The following ERCC3 variants were observed in gnomAD, a reference collection of about 807,000 sequenced individuals.
ERCC3 encodes the protein ERCC excision repair 3, TFIIH core complex helicase subunit.
A neutral mutation model predicts 94.2 loss-of-function variants in ERCC3; 66 were observed. The observed-to-expected ratio is 0.70, with a 90% CI of 0.57 to 0.86. The LOEUF is 0.86. ERCC3 is among the 40% of genes least tolerant of loss of function. ERCC3 has a pLI of 0.00. For missense variants in ERCC3, 829 were observed against 987.1 expected, an observed-to-expected ratio of 0.84 and a Z score of 2.15; for synonymous variants, 349 against 369.1, an observed-to-expected ratio of 0.95 and a Z score of 0.63.
At chr2:127,261,528 A>G (rs1012442660) in intron 12 of ERCC3, 182 bp from the exon 13 acceptor site, 6 of 639,816 alleles carry the variant, frequency 9.4e-6, no homozygotes, top group African/African-American at 7.3e-5. Flanking sequence ...TTCCAAGGAC[A>G]CCATCAAGTG....
chr2:127,286,944 T>G lies in ERCC3; in HGVS notation c.1101A>C (p.Ser367=). The part of the protein sequence containing the change: ...VRKRCLVLGN[S]AVSVEQWKAQ... ...CTTTCCACTGCTCCACAGAAACAGC[T>G]GAGTTGCCCAGCACCAGACAGCGTT... Residue 367 remains serine (S), a synonymous_variant, in exon 8 of 15, where the codon TCA becomes TCC. Transcript: ENST00000285398. 1 of 1,614,128 alleles carries G rather than the reference T, an allele frequency of 6.2e-7. No homozygotes were observed. Among genetic ancestry groups the G allele is most frequent in the Non-Finnish European group, 8.5e-7 (1 of 1,180,020 alleles).
At chr2:127,278,307 C>T (rs62157543) in intron 10 of ERCC3, among the ~76,000 whole-genome samples, 3,298 of 151,204 alleles carry the variant, frequency 0.022, 44 homozygotes, top group Non-Finnish European at 0.03. Context: ...GAGTCAAAAG[C>T]GGCTGTCTTC....
chr2:127,258,008 A>T lies in ERCC3; in HGVS notation c.2218-281T>A, dbSNP rs542757768. Among the ~76,000 whole-genome samples the T allele has an allele frequency of 3.9e-5, 6 of 152,332 alleles. No individual in the cohort carries two copies. The South Asian group carries it at 1.2e-3, about 32-fold the overall frequency. On this transcript the variant is annotated intron_variant, in intron 14 of 14. Transcript: ENST00000285398. The surrounding 1 kb of genome is among the most constrained non-coding windows in gnomAD (Gnocchi z 4.1). The stretch of plus-strand genomic sequence containing the variant: ...ATCCAAGATCACATAGCTCTTAAGG[A>T]GATGGGATTTGAACACCCAGGTAGC...
chr2:127,270,075 A>G (rs529247012), intron 12 of ERCC3, among the ~76,000 whole-genome samples: 94 of 152,264 alleles, frequency 6.2e-4, no homozygotes, highest in Middle Eastern at 3.4e-3. Context: ...AGAGTAAGGA[A>G]TAAGTAATGA....
intron 8 of ERCC3, among the ~76,000 whole-genome samples, chr2:127,285,497 C>T (rs920269625): frequency 1.1e-4 from 17 of 152,086 alleles, no homozygotes; most frequent in Non-Finnish European, 2.5e-4. Flanking sequence ...TTGAGACCAG[C>T]CTGACCAACA....
At chr2:127,290,372 C>T (rs41269831) in intron 3 of ERCC3, 99 bp from the exon 4 acceptor site, 1 of 1,060,374 alleles carries the variant, frequency 9.4e-7, no homozygotes, top group Admixed American at 1.8e-5. Context: ...GTGAAAAGTT[C>T]ATTTTACTTT....
At chr2:127,292,257 C>T (rs1240513263) in intron 3 of ERCC3, 1 of 404,652 alleles carries the variant, frequency 2.5e-6, no homozygotes, top group Non-Finnish European at 4.7e-6. Context: ...ACAATTCAGT[C>T]CCCAGCACAC....
At chr2:127,292,458 G>A in intron 3 of ERCC3, 152 bp downstream of exon 3, 1 of 757,384 alleles carries the variant, frequency 1.3e-6, no homozygotes, top group Non-Finnish European at 2.4e-6. Context: ...TGGATCCAGA[G>A]TGTAGCGGCT....
rs1479291031 is a variant in ERCC3 at position 127,292,771 on chromosome 2, C to T, written c.310G>A (p.Ala104Thr). Residue 104 changes from alanine (A) to threonine (T), a missense_variant, in exon 3 of 15, where the codon GCA (alanine) becomes ACA (threonine). Physicochemically the swap from Ala to Thr is moderately conservative, Grantham distance 58. Transcript: ENST00000285398. Reference sequence around the variant, plus strand: ...TGGGTTGGTCGGCACACTGGCTCTGCAATAGCCACCAAGAAGTCTTGGGCA... The same window carrying T: ...TGGGTTGGTCGGCACACTGGCTCTGTAATAGCCACCAAGAAGTCTTGGGCA... ...KYAQDFLVAI[A>T]EPVCRPTHVH... 1 of 1,613,778 alleles carries T rather than the reference C, an allele frequency of 6.2e-7. No individual in the cohort carries two copies. The highest frequency in any genetic ancestry group is 8.5e-7 in the Non-Finnish European group (1 of 1,179,920).
In ERCC3 at chr2:127,279,101, A is replaced by ACAGCC; in HGVS notation, c.1730+67_1730+71dup. ...GAGAGAAAAACAAAAAAACAAAACA[A>ACAGCC]CAGCCACCTTCTGCACTCTCAATGG... On this transcript the variant is annotated intron_variant, in intron 10 of 14. Transcript: ENST00000285398. This position sits in a 1 kb window ranked among gnomAD's most constrained non-coding sequence, Gnocchi z 4.7. The ACAGCC allele has an allele frequency of 9.7e-7, 1 of 1,034,434 alleles. No homozygotes were observed. The highest frequency in any genetic ancestry group is 1.5e-6 in the Non-Finnish European group (1 of 664,972). 64.1% of individuals were successfully genotyped at this position (1,034,434 alleles called of 1,614,324 possible).
At chr2:127,273,315 C>T (rs1023490009) in intron 10 of ERCC3, among the ~76,000 whole-genome samples, 1 of 152,142 alleles carries the variant, frequency 6.6e-6, no homozygotes. Flanking sequence ...GAAACCACTG[C>T]TATTTCCAAA....
At chr2:127,282,287 T>TG (rs1357023132) in intron 8 of ERCC3, among the ~76,000 whole-genome samples, 1 of 152,248 alleles carries the variant, frequency 6.6e-6, no homozygotes, top group African/African-American at 2.4e-5. Flanking sequence ...CACTTTTGTG[T>TG]GTGGCTTGTA....
rs536292090 is a variant in ERCC3 at position 127,270,401 on chromosome 2, G to A, written c.1945+935C>T. On this transcript the variant is annotated intron_variant, in intron 12 of 14. Transcript: ENST00000285398. ...AAGACAGGATTGTCACCCCCACTTT[G>A]GATGGGAAAACCAAGTCTCAGAGGA... Among the ~76,000 whole-genome samples, 4 of 152,282 alleles carry A rather than the reference G, an allele frequency of 2.6e-5. No homozygotes were observed. In the South Asian group the frequency reaches 8.3e-4, roughly 32 times the overall value.
In ERCC3 at chr2:127,277,422, T is replaced by G. The variant is rs1684765290; in HGVS notation, c.1730+1751A>C. The stretch of plus-strand genomic sequence containing the variant: ...AAAGAAAATGTAAGGCCGGGCATGG[T>G]GGCTCACACCTGTAATCCCAGCACT... On this transcript the variant is annotated intron_variant, in intron 10 of 14. Transcript: ENST00000285398. The surrounding 1 kb of genome is among the most constrained non-coding windows in gnomAD (Gnocchi z 5.1). Among the ~76,000 whole-genome samples, 1 of 152,206 alleles carries G rather than the reference T, an allele frequency of 6.6e-6. No homozygotes were observed. Among genetic ancestry groups the G allele is most frequent in the Admixed American group, 6.5e-5 (1 of 15,282 alleles).
At position 127,272,876 on chromosome 2, in the gene ERCC3, A is replaced by G; in HGVS notation, c.1816T>C (p.Phe606Leu). Reference protein sequence around the residue: ...FKHNPKINTIFISKVGDTSFD... With the variant: ...FKHNPKINTILISKVGDTSFD... ...TATGCCACACAAACCTTGGATATGA[A>G]GATGGTGTTAATTTTGGGGTTGTGC... The change falls in exon 11 of 15, where the codon TTC becomes CTC. Residue 606 changes from phenylalanine (F) to leucine (L), a missense_variant. Physicochemically the swap from Phe to Leu is conservative, Grantham distance 22. Coordinates refer to ENST00000285398, the MANE Select transcript of ERCC3 (RefSeq NM_000122.2). The G allele has an allele frequency of 6.2e-7, 1 of 1,612,012 alleles. No homozygotes were observed. Among genetic ancestry groups the G allele is most frequent in the Non-Finnish European group, 8.5e-7 (1 of 1,178,128 alleles).
In ERCC3 at chr2:127,289,734, C is replaced by T; in HGVS notation, c.612G>A (p.Gly204=). ...IRECRLRNSE[G]EATELITETF... Reference sequence around the variant, plus strand: ...TCTCTGTGATGAGCTCAGTGGCCTCCCCTTCAGAGTTTCTTAAGCGGCATT... The same window carrying T: ...TCTCTGTGATGAGCTCAGTGGCCTCTCCTTCAGAGTTTCTTAAGCGGCATT... Residue 204 remains glycine (G), a synonymous_variant, in exon 5 of 15, where the codon GGG becomes GGA. Coordinates refer to ENST00000285398, the MANE Select transcript of ERCC3 (RefSeq NM_000122.2). 6.2e-7 allele frequency: 1 copy of T among 1,614,118 alleles called. No homozygotes were observed. The highest frequency in any genetic ancestry group is 8.5e-7 in the Non-Finnish European group (1 of 1,180,028).
intron 12 of ERCC3, among the ~76,000 whole-genome samples, chr2:127,268,111 G>A (rs931004214): frequency 3.3e-5 from 5 of 151,706 alleles, no homozygotes; most frequent in Admixed American, 6.6e-5. Flanking sequence ...CTGCCACCAC[G>A]CCCGGCTAAT....
Position 127,259,442 on chromosome 2 carries a change from T to C in ERCC3, c.2071A>G (p.Thr691Ala). 15 of 1,614,174 alleles carry C rather than the reference T, an allele frequency of 9.3e-6. No individual in the cohort carries two copies. Among genetic ancestry groups the C allele is most frequent in the Non-Finnish European group, 1.3e-5 (15 of 1,180,026 alleles). Residue 691 changes from threonine to alanine, a missense_variant, in exon 14 of 15, where the codon ACG (threonine) becomes GCG (alanine). Thr to Ala is a moderately conservative substitution (Grantham distance 58). Transcript: ENST00000285398. The surrounding 1 kb of genome is among the most constrained non-coding windows in gnomAD (Gnocchi z 4.9). ...TCCTCCTCCATGCCAGCGAGTTTCGTGATCACCTGCAAAGCCCAAGCCAGC... is the reference window on the plus strand; with the variant it reads ...TCCTCCTCCATGCCAGCGAGTTTCGCGATCACCTGCAAAGCCCAAGCCAGC... ...VDQGYSFKVI[T>A]KLAGMEEEDL... is the part of the protein sequence containing the mutation.
chr2:127,283,551 G>A (rs1007588073), intron 8 of ERCC3, among the ~76,000 whole-genome samples: 3 of 152,184 alleles, frequency 2.0e-5, no homozygotes, highest in Non-Finnish European at 2.9e-5. Flanking sequence ...TCGTGTACAG[G>A]ATTTTGTGTA....
Sources: allele counts gnomAD v4.1 joint callset (sites outside exome capture counted in the v4.1 genomes callset), GRCh38; gene constraint gnomAD v4.1.1; non-coding constraint Gnocchi (gnomAD v3.1); transcripts MANE v1.5; gene names NCBI Gene and HGNC (gene_info 2026-07-23, HGNC 2026-07-21).